AGPS: variants seen among roughly 807,000 people sequenced by gnomAD.
AGPS encodes the protein alkylglycerone phosphate synthase, also known as alkyldihydroxyacetonephosphate synthase, peroxisomal.
Under a neutral mutation model 90.7 loss-of-function variants are expected in AGPS, and 26 were observed. The observed-to-expected ratio is 0.29, with a 90% CI of 0.21 to 0.40. The LOEUF (loss-of-function observed/expected upper bound fraction) is 0.40, where lower values mean the gene tolerates loss of function less well. AGPS is among the 10% of genes least tolerant of loss of function. AGPS has a pLI of 1.00. For synonymous variants in AGPS, 294 were observed against 285.3 expected, an observed-to-expected ratio of 1.03 and a Z score of -0.31; for missense variants, 540 against 816.1, an observed-to-expected ratio of 0.66 and a Z score of 4.12.
intron 14 of AGPS, among the ~76,000 whole-genome samples, chr2:177,500,398 CTTTTT>C (rs1559073953): frequency 6.6e-6 from 1 of 151,864 alleles, no homozygotes; most frequent in Non-Finnish European, 1.5e-5. Context: ...CTAATCTTTT[CTTTTT>C]TGATTTCAGG....
At chr2:177,504,206 T>C (rs1443085684) in intron 14 of AGPS, among the ~76,000 whole-genome samples, 2 of 152,194 alleles carry the variant, frequency 1.3e-5, no homozygotes, top group East Asian at 3.9e-4. Flanking sequence ...TTTTCTCTCT[T>C]GGACTCAGAG....
chr2:177,406,854 A>G (rs900782119), intron 1 of AGPS, among the ~76,000 whole-genome samples: 3 of 152,196 alleles, frequency 2.0e-5, no homozygotes, highest in Admixed American at 6.5e-5. Flanking sequence ...TAGATGGGAA[A>G]ATCCTTGTGC....
chr2:177,431,953 G>A (rs1686256819), intron 2 of AGPS, among the ~76,000 whole-genome samples: 2 of 152,146 alleles, frequency 1.3e-5, no homozygotes, highest in Non-Finnish European at 2.9e-5. Flanking sequence ...TATTAATTTT[G>A]GGAACTGATA....
chr2:177,449,155 AT>A (rs1316190691), intron 8 of AGPS, among the ~76,000 whole-genome samples: 3 of 152,216 alleles, frequency 2.0e-5, no homozygotes, highest in African/African-American at 7.2e-5. Flanking sequence ...ATGAACGTTC[AT>A]GTGAAAGTTT....
At chr2:177,401,011 T>C (rs758177686) in intron 1 of AGPS, among the ~76,000 whole-genome samples, 8 of 152,230 alleles carry the variant, frequency 5.3e-5, no homozygotes, top group Non-Finnish European at 1.0e-4. Context: ...GAGTGGATAT[T>C]TTGCTGTCAA....
intron 2 of AGPS, among the ~76,000 whole-genome samples, chr2:177,427,832 T>C (rs1686125870): frequency 6.6e-6 from 1 of 152,190 alleles, no homozygotes; most frequent in African/African-American, 2.4e-5. Context: ...GTTCTGTAGA[T>C]GTCTATCAAG....
Position 177,533,637 on chromosome 2 carries a change from C to G in AGPS, c.1856-4437C>G, listed in dbSNP as rs200448310. Among the ~76,000 whole-genome samples, 33 of 152,190 alleles carry G rather than the reference C, an allele frequency of 2.2e-4. No homozygotes were observed. In the East Asian group the frequency reaches 6.2e-3, roughly 29 times the overall value. ...TAATATGTTTGTTAATCTGAGAATG[C>G]CTGTATTACATTATTACATTGTTAC... On this transcript the variant is annotated intron_variant, in intron 19 of 19. Coordinates refer to ENST00000264167, the MANE Select transcript of AGPS (RefSeq NM_003659.4).
Position 177,509,438 on chromosome 2 carries a change from G to A in AGPS, c.1607+1407G>A, listed in dbSNP as rs189863504. On this transcript the variant is annotated intron_variant, in intron 16 of 19. Coordinates refer to ENST00000264167, the MANE Select transcript of AGPS (RefSeq NM_003659.4). ...TCCCAGGACTTTGGGAGGCCGAGACGGGCAGATCACGAGGTCAGGAGATCG... is the reference window on the plus strand; with the variant it reads ...TCCCAGGACTTTGGGAGGCCGAGACAGGCAGATCACGAGGTCAGGAGATCG... Among the ~76,000 whole-genome samples the A allele has an allele frequency of 4.9e-3, 745 of 152,196 alleles. 3 individuals are homozygous for A. Among genetic ancestry groups the A allele is most frequent in the African/African-American group, 0.017 (701 of 41,538 alleles).
At chr2:177,520,669 A>G (rs1450721919) in intron 17 of AGPS, among the ~76,000 whole-genome samples, 2 of 152,212 alleles carry the variant, frequency 1.3e-5, no homozygotes, top group African/African-American at 2.4e-5. Context: ...TGTCTTATAC[A>G]AGTCACATGA....
chr2:177,506,358 A>C (rs1688712109), intron 15 of AGPS, among the ~76,000 whole-genome samples: 1 of 151,872 alleles, frequency 6.6e-6, no homozygotes, highest in South Asian at 2.1e-4. Context: ...ATTTTTGGAA[A>C]TTTATACATA....
intron 16 of AGPS, among the ~76,000 whole-genome samples, chr2:177,512,491 T>A (rs1321909599): frequency 1.3e-5 from 2 of 152,214 alleles, no homozygotes; most frequent in African/African-American, 4.8e-5. Context: ...TACTGTTTGT[T>A]CTTATTGACA....
At chr2:177,439,887 A>G (rs190614250) in intron 5 of AGPS, among the ~76,000 whole-genome samples, 2 of 152,258 alleles carry the variant, frequency 1.3e-5, no homozygotes, top group African/African-American at 4.8e-5. Context: ...TTGCCAGTCA[A>G]GTTGAGTCTT....
chr2:177,421,407 GTTAT>G (rs1211665029), intron 2 of AGPS, among the ~76,000 whole-genome samples: 3 of 152,032 alleles, frequency 2.0e-5, no homozygotes, highest in East Asian at 1.9e-4. Flanking sequence ...CTTTGGAGAA[GTTAT>G]TTATTTCCTT....
In AGPS at chr2:177,493,186, G is replaced by A; in HGVS notation, c.1272G>A (p.Lys424=). ...CATCTATTCGCCTCATGGACAACAA[G>A]CAGTTTCAGTTTGGTAAGTAAGGAG... ...APASIRLMDN[K]QFQFGHALKP... The change falls in exon 12 of 20, where the codon AAG becomes AAA. Residue 424 remains lysine, a synonymous_variant. Coordinates refer to ENST00000264167, the MANE Select transcript of AGPS (RefSeq NM_003659.4). 6.2e-7 allele frequency: 1 copy of A among 1,613,104 alleles called. No homozygotes were observed. Among genetic ancestry groups the A allele is most frequent in the South Asian group, 1.1e-5 (1 of 91,066 alleles).
At chr2:177,489,366 G>A (rs1199097679) in intron 11 of AGPS, among the ~76,000 whole-genome samples, 1 of 151,964 alleles carries the variant, frequency 6.6e-6, no homozygotes, top group Non-Finnish European at 1.5e-5. Flanking sequence ...TTACAGGCGT[G>A]AGCCACCGCG....
At chr2:177,491,723 A>G (rs188153778) in intron 11 of AGPS, among the ~76,000 whole-genome samples, 1 of 145,256 alleles carries the variant, frequency 6.9e-6, no homozygotes, top group African/African-American at 2.6e-5. Flanking sequence ...TTAAATACCC[A>G]TAGAAATTTA....
At chr2:177,496,351 T>G (rs1574010351) in intron 12 of AGPS, among the ~76,000 whole-genome samples, 1 of 152,312 alleles carries the variant, frequency 6.6e-6, no homozygotes, top group East Asian at 1.9e-4. Context: ...TTTCTAATTG[T>G]TGTTAATATA....
In AGPS at chr2:177,427,489, C is replaced by T. The variant is rs552521253; in HGVS notation, c.351-6838C>T. On this transcript the variant is annotated intron_variant, in intron 2 of 19. Coordinates refer to ENST00000264167, the MANE Select transcript of AGPS (RefSeq NM_003659.4). ...GGTTTTTGATGTGGGCATTTTAGTG[C>T]TAGAAATTTTCCTCTTAACACTGCT... is the stretch of plus-strand genomic sequence containing the variant. 7.9e-5 allele frequency among the ~76,000 whole-genome samples: 12 copies of T among 152,222 alleles called. No homozygotes were observed. In the East Asian group the frequency reaches 2.3e-3, roughly 29 times the overall value.
At chr2:177,486,141 A>G (rs1489019523) in intron 11 of AGPS, among the ~76,000 whole-genome samples, 1 of 152,248 alleles carries the variant, frequency 6.6e-6, no homozygotes, top group African/African-American at 2.4e-5. Context: ...CTGATTTTAA[A>G]AGTCCAGATA....
Sources: gnomAD v4.1 joint callset for allele counts (sites outside exome capture counted in the v4.1 genomes callset) on GRCh38, gnomAD v4.1.1 for gene constraint, MANE v1.5 for transcripts, NCBI Gene and HGNC (gene_info 2026-07-23, HGNC 2026-07-21) for gene names.